LCLAT1: variants seen among roughly 807,000 people sequenced by gnomAD.
LCLAT1 encodes 1-AGP acyltransferase 8.
LCLAT1 carries 11 observed loss-of-function variants against 30.7 expected under a neutral mutation model. The ratio of observed to expected loss-of-function variants is 0.36; its 90% CI spans 0.23 to 0.59. The LOEUF is 0.59. Ranked by LOEUF, LCLAT1 falls within the 20% of genes least tolerant of loss-of-function variation. The pLI, the probability that LCLAT1 is intolerant of heterozygous loss-of-function variation, is 0.77. For missense variants in LCLAT1, 402 were observed against 458.6 expected (o/e 0.88, Z 1.13); for synonymous variants, 155 against 151.3 (o/e 1.02, Z -0.18).
At chr2:30,584,736 G>T (rs1484509840) in intron 5 of LCLAT1, among the ~76,000 whole-genome samples, 5 of 152,238 alleles carry the variant, frequency 3.3e-5, no homozygotes, top group Non-Finnish European at 5.9e-5. Context: ...GGGCCATCAG[G>T]CCTCTGTAAT....
At chr2:30,451,140 A>G (rs894673120) in intron 1 of LCLAT1, among the ~76,000 whole-genome samples, 2 of 152,228 alleles carry the variant, frequency 1.3e-5, no homozygotes, top group African/African-American at 4.8e-5. Context: ...TGCCAGTGGG[A>G]AATATAAATT....
chr2:30,547,581 A>G (rs1158708056), intron 3 of LCLAT1, among the ~76,000 whole-genome samples: 1 of 151,978 alleles, frequency 6.6e-6, no homozygotes. Context: ...CTCCTCCTTA[A>G]TAAGATGAAA....
At chr2:30,631,984 GAAA>G (rs1668790324) in intron 5 of LCLAT1, among the ~76,000 whole-genome samples, 1 of 152,110 alleles carries the variant, frequency 6.6e-6, no homozygotes, top group Non-Finnish European at 1.5e-5. Context: ...ATTCTATCTG[GAAA>G]ATTAAACTTG....
At chr2:30,497,120 A>T (rs533680577) in intron 1 of LCLAT1, among the ~76,000 whole-genome samples, 256 of 152,350 alleles carry the variant, frequency 1.7e-3, no homozygotes, top group South Asian at 2.3e-3. Flanking sequence ...ATACTTAGGG[A>T]AGATGCCCTG....
intron 1 of LCLAT1, among the ~76,000 whole-genome samples, chr2:30,491,562 ACT>A (rs1683833569): frequency 6.6e-6 from 1 of 152,012 alleles, no homozygotes; most frequent in East Asian, 1.9e-4. Flanking sequence ...TGTATTTCTG[ACT>A]CTCATGATTT....
intron 1 of LCLAT1, among the ~76,000 whole-genome samples, chr2:30,466,523 TTC>T (rs1264980950): frequency 2.0e-5 from 3 of 152,240 alleles, no homozygotes; most frequent in African/African-American, 7.2e-5. Context: ...TTAGTTTATG[TTC>T]TGTTTATTTA....
intron 1 of LCLAT1, among the ~76,000 whole-genome samples, chr2:30,519,078 G>A (rs1685340801): frequency 6.6e-6 from 1 of 152,174 alleles, no homozygotes; most frequent in South Asian, 2.1e-4. Context: ...AAATACTTAG[G>A]GCTAAAATTA....
intron 1 of LCLAT1, among the ~76,000 whole-genome samples, chr2:30,494,399 C>T (rs185221353): frequency 1.3e-5 from 2 of 152,040 alleles, no homozygotes; most frequent in Non-Finnish European, 2.9e-5. Context: ...CACATGGTCC[C>T]GATAGCTGGA....
intron 1 of LCLAT1, among the ~76,000 whole-genome samples, chr2:30,519,178 C>G (rs528646905): frequency 1.1e-3 from 162 of 152,300 alleles, no homozygotes; most frequent in African/African-American, 3.9e-3. Context: ...TTGGATGTGC[C>G]TCACCCTGCA....
At chr2:30,599,628 T>G (rs1363977729) in intron 5 of LCLAT1, among the ~76,000 whole-genome samples, 1 of 152,206 alleles carries the variant, frequency 6.6e-6, no homozygotes, top group Non-Finnish European at 1.5e-5. Flanking sequence ...TGAAACTAGG[T>G]GCTCCTGTAT....
Position 30,512,091 on chromosome 2 carries a change from G to C in LCLAT1, c.-4-13496G>C, listed in dbSNP as rs187061044. Among the ~76,000 whole-genome samples, 59 of 152,162 alleles carry C rather than the reference G, an allele frequency of 3.9e-4. No individual in the cohort carries two copies. In the East Asian group the frequency reaches 8.1e-3, roughly 21 times the overall value. On this transcript the variant is annotated intron_variant, in intron 1 of 5. Transcript: ENST00000379509. ...GTTCTTTTTTTGGTTATTCTTTGTA[G>C]GTGTGGGATTTTTAGTGTGTTTTTT...
intron 5 of LCLAT1, among the ~76,000 whole-genome samples, chr2:30,570,432 A>G (rs1269954440): frequency 6.6e-6 from 1 of 152,236 alleles, no homozygotes; most frequent in Non-Finnish European, 1.5e-5. Context: ...AGCATTTACT[A>G]TGTACCTGGC....
intron 5 of LCLAT1, among the ~76,000 whole-genome samples, chr2:30,602,167 T>C (rs972533113): frequency 6.6e-6 from 1 of 152,136 alleles, no homozygotes; most frequent in Non-Finnish European, 1.5e-5. Flanking sequence ...GGGCTTTCAT[T>C]GGCAAATAAT....
chr2:30,574,793 C>G (rs934954419), intron 5 of LCLAT1, among the ~76,000 whole-genome samples: 6 of 152,142 alleles, frequency 3.9e-5, no homozygotes, highest in Non-Finnish European at 8.8e-5. Flanking sequence ...GCTGCAGAGT[C>G]AAGAGCTATA....
At chr2:30,474,428 T>G (rs1258273052) in intron 1 of LCLAT1, among the ~76,000 whole-genome samples, 1 of 152,188 alleles carries the variant, frequency 6.6e-6, no homozygotes, top group Non-Finnish European at 1.5e-5. Flanking sequence ...TAAAAGATGT[T>G]TTTTAAATTT....
Position 30,468,040 on chromosome 2 carries a change from C to G in LCLAT1, c.-5+20657C>G, listed in dbSNP as rs886549317. ...ATGCCTATGTCCTGAATGGTATTGC[C>G]TAGGTTTTCTTCTAGGGTTTTTATG... On this transcript the variant is annotated intron_variant, in intron 1 of 5. Coordinates refer to ENST00000379509, the MANE Select transcript of LCLAT1 (RefSeq NM_001002257.3). 4.6e-5 allele frequency among the ~76,000 whole-genome samples: 7 copies of G among 152,244 alleles called. No individual in the cohort carries two copies. The East Asian group carries it at 1.3e-3, about 29-fold the overall frequency.
intron 2 of LCLAT1, among the ~76,000 whole-genome samples, chr2:30,528,806 T>C (rs951789872): frequency 3.2e-4 from 49 of 152,232 alleles, no homozygotes; most frequent in Non-Finnish European, 1.5e-4. Flanking sequence ...CTCAGCTGTT[T>C]AGTTTACTAG....
chr2:30,582,585 T>A (rs533722671), intron 5 of LCLAT1, among the ~76,000 whole-genome samples: 1 of 152,350 alleles, frequency 6.6e-6, no homozygotes, highest in African/African-American at 2.4e-5. Flanking sequence ...TTTCTAATAG[T>A]TTGGATGTAA....
intron 1 of LCLAT1, among the ~76,000 whole-genome samples, chr2:30,477,272 AAATT>A (rs1217149517): frequency 6.6e-6 from 1 of 152,180 alleles, no homozygotes; most frequent in Non-Finnish European, 1.5e-5. Flanking sequence ...ATTTGTAGGT[AAATT>A]AATTTCATCA....
Sources: gnomAD v4.1 joint callset for allele counts (sites outside exome capture counted in the v4.1 genomes callset) on GRCh38, gnomAD v4.1.1 for gene constraint, MANE v1.5 for transcripts, NCBI Gene and HGNC (gene_info 2026-07-23, HGNC 2026-07-21) for gene names.